The following PCDHA7 variants were observed in gnomAD, a reference collection of about 807,000 sequenced individuals.
PCDHA7 encodes protocadherin alpha 7.
Under a neutral mutation model 57.2 loss-of-function variants are expected in PCDHA7, and 37 were observed. That is an observed-to-expected ratio of 0.65 (90% CI 0.50 to 0.85). The LOEUF is 0.85. PCDHA7 is among the 40% of genes least tolerant of loss of function. The pLI is 0.00. For missense variants in PCDHA7, 1,188 were observed against 1,241.8 expected, an observed-to-expected ratio of 0.96 and a Z score of 0.65; for synonymous variants, 553 against 558.8, an observed-to-expected ratio of 0.99 and a Z score of 0.15.
chr5:140,920,485 A>G (rs1366888817), intron 1 of PCDHA7, among the ~76,000 whole-genome samples: 3 of 152,164 alleles, frequency 2.0e-5, no homozygotes, highest in Admixed American at 6.5e-5. Context: ...TTTTTGGTCC[A>G]ACAATAGAGT....
chr5:140,863,548 T>C (rs1370374159), intron 1 of PCDHA7: 6 of 380,478 alleles, frequency 1.6e-5, no homozygotes, highest in South Asian at 4.1e-5. Context: ...TGGACTTCAA[T>C]AGGAAATTTT....
At chr5:140,908,578 GTAGT>G (rs1554193408) in intron 1 of PCDHA7, among the ~76,000 whole-genome samples, 1 of 152,196 alleles carries the variant, frequency 6.6e-6, no homozygotes, top group African/African-American at 2.4e-5. Flanking sequence ...CAAAAGGAGA[GTAGT>G]TAGCTGCAGA....
rs150142414 is a variant in PCDHA7, at chr5:140,941,961, T to C, written c.2356-36988T>C. 4.6e-3 allele frequency among the ~76,000 whole-genome samples: 702 copies of C among 152,326 alleles called. 3 individuals are homozygous for C. Among genetic ancestry groups the C allele is most frequent in the African/African-American group, 0.016 (679 of 41,550 alleles). On this transcript the variant is annotated intron_variant, in intron 1 of 3. Transcript: ENST00000525929. Reference sequence around the variant, plus strand: ...TACTTTTGTTTTGAAAACAATAGTATCTTTACTTTCCCTAAACCTTGATAA... The same window carrying C: ...TACTTTTGTTTTGAAAACAATAGTACCTTTACTTTCCCTAAACCTTGATAA...
rs535720832 is a variant in PCDHA7 at position 140,876,757 on chromosome 5, G to A, written c.2355+40019G>A. On this transcript the variant is annotated intron_variant, in intron 1 of 3. Transcript: ENST00000525929. ...CTATGAGCTGGTGGTGACTGCGCGG[G>A]ATGGGGGCTCGCCTTCGCTGTGGGC... 85 of 1,614,274 alleles carry A rather than the reference G, an allele frequency of 5.3e-5. No individual in the cohort carries two copies. The South Asian group carries it at 8.8e-4, about 17-fold the overall frequency.
chr5:140,859,686 T>C (rs2045967077), intron 1 of PCDHA7: 1 of 154,726 alleles, frequency 6.5e-6, no homozygotes, highest in African/African-American at 2.4e-5. Context: ...AAAATTAAAA[T>C]TATTGTTCAA....
intron 1 of PCDHA7, among the ~76,000 whole-genome samples, chr5:140,953,085 A>G (rs1197965470): frequency 2.0e-5 from 3 of 152,246 alleles, no homozygotes; most frequent in African/African-American, 4.8e-5. Flanking sequence ...ATTGGGGATT[A>G]CAATTTGACA....
At chr5:140,931,717 C>G (rs2087694120) in intron 1 of PCDHA7, among the ~76,000 whole-genome samples, 1 of 151,872 alleles carries the variant, frequency 6.6e-6, no homozygotes, top group Admixed American at 6.6e-5. Flanking sequence ...AAAATAACTT[C>G]TATAAATATG....
intron 1 of PCDHA7, among the ~76,000 whole-genome samples, chr5:140,956,813 T>C (rs1306502330): frequency 6.6e-6 from 1 of 152,176 alleles, no homozygotes; most frequent in African/African-American, 2.4e-5. Context: ...TATTATTGCT[T>C]CAATTTGTAA....
intron 3 of PCDHA7, among the ~76,000 whole-genome samples, chr5:140,982,811 A>G (rs1024619481): frequency 1.3e-5 from 2 of 150,966 alleles, no homozygotes; most frequent in Non-Finnish European, 1.5e-5. Flanking sequence ...GTGTGTGTGT[A>G]TGAAGTTTTT....
intron 1 of PCDHA7, among the ~76,000 whole-genome samples, chr5:140,838,860 T>C (rs2150293011): frequency 1.3e-4 from 20 of 151,904 alleles, no homozygotes; most frequent in Non-Finnish European, 2.9e-4. Context: ...AGGTCCAAGC[T>C]GCAGTTATCA....
At chr5:140,843,429 C>T (rs2150359763) in intron 1 of PCDHA7, 1 of 1,596,144 alleles carries the variant, frequency 6.3e-7, no homozygotes, top group Non-Finnish European at 8.6e-7. Context: ...CTGATCATCG[C>T]CATCTGCGCG....
At chr5:140,967,643 A>G in intron 1 of PCDHA7, 1 of 1,614,164 alleles carries the variant, frequency 6.2e-7, no homozygotes, top group East Asian at 2.2e-5. Flanking sequence ...TGGTGAGCTC[A>G]GGTACTCCTT....
intron 1 of PCDHA7, among the ~76,000 whole-genome samples, chr5:140,974,558 C>A (rs984567503): frequency 4.5e-4 from 68 of 152,132 alleles, no homozygotes; most frequent in African/African-American, 1.6e-3. Context: ...GTTGCCCAGG[C>A]TGGAGTGCAA....
intron 1 of PCDHA7, chr5:140,862,471 C>A (rs1000381603): frequency 1.5e-4 from 55 of 374,462 alleles, no homozygotes; most frequent in Non-Finnish European, 2.7e-4. Context: ...GAGAGCAAAT[C>A]TATCCATTGT....
chr5:140,967,020 C>G (rs782147091), intron 1 of PCDHA7: 4 of 1,607,570 alleles, frequency 2.5e-6, no homozygotes, highest in African/African-American at 1.3e-5. Flanking sequence ...CTGGGTGCGC[C>G]CAGTCCGCGC....
At chr5:140,841,181 C>A (rs1777072934) in intron 1 of PCDHA7, 2 of 1,156,492 alleles carry the variant, frequency 1.7e-6, no homozygotes, top group Non-Finnish European at 2.4e-6. Flanking sequence ...GGTCAATGTT[C>A]AAAGTCTTTT....
At chr5:140,977,634 T>A (rs187884163) in intron 1 of PCDHA7, among the ~76,000 whole-genome samples, 83 of 152,298 alleles carry the variant, frequency 5.4e-4, no homozygotes, top group African/African-American at 1.9e-3. Context: ...TTGTAACTTT[T>A]TCTGGGCCTT....
intron 1 of PCDHA7, chr5:140,849,770 T>A (rs1407416435): frequency 6.3e-7 from 1 of 1,598,458 alleles, no homozygotes; most frequent in East Asian, 2.2e-5. Flanking sequence ...AGCTGGTGGT[T>A]ACCGCGCGGG....
At chr5:140,840,433 C>T (rs1580937674) in intron 1 of PCDHA7, among the ~76,000 whole-genome samples, 1 of 151,660 alleles carries the variant, frequency 6.6e-6, no homozygotes, top group African/African-American at 2.4e-5. Context: ...AGTTTAAAGC[C>T]GTGGAAATAG....
Sources: gnomAD v4.1 joint callset for allele counts (sites outside exome capture counted in the v4.1 genomes callset) on GRCh38, gnomAD v4.1.1 for gene constraint, MANE v1.5 for transcripts, NCBI Gene and HGNC (gene_info 2026-07-23, HGNC 2026-07-21) for gene names.